ADAMTSL1: variants seen among roughly 807,000 people sequenced by gnomAD.
ADAMTSL1 encodes the protein ADAMTS like 1, also known as ADAMTS-like protein 1.
ADAMTSL1 carries 126 observed loss-of-function variants against 201.8 expected under a neutral mutation model. That is an observed-to-expected ratio of 0.62 (90% CI 0.54 to 0.72). ADAMTSL1 has a LOEUF of 0.72. Among genes scored for constraint, ADAMTSL1 ranks in the 30% least tolerant of loss-of-function variants. The pLI is 0.00. For missense variants in ADAMTSL1, 2,679 were observed against 2,277.8 expected (o/e 1.18, Z -3.59); for synonymous variants, 1,121 against 903.4 (o/e 1.24, Z -4.32).
intron 13 of ADAMTSL1, 153 bp downstream of exon 13, chr9:18,684,953 A>C: frequency 1.4e-6 from 2 of 1,397,856 alleles, no homozygotes; most frequent in Non-Finnish European, 1.9e-6. Flanking sequence ...GATTAGTTTC[A>C]AAAAGTGTTT....
At chr9:18,762,169 C>T (rs910487551) in intron 16 of ADAMTSL1, among the ~76,000 whole-genome samples, 1 of 152,140 alleles carries the variant, frequency 6.6e-6, no homozygotes, top group Non-Finnish European at 1.5e-5. Flanking sequence ...AATTCCCTTT[C>T]CTCAAAAGAC....
chr9:18,350,168 C>G (rs1161901016), intron 2 of ADAMTSL1, among the ~76,000 whole-genome samples: 2 of 152,042 alleles, frequency 1.3e-5, no homozygotes, highest in Non-Finnish European at 2.9e-5. Context: ...TACATCCCCA[C>G]CTGGTCCCCA....
At chr9:18,035,933 G>C (rs986307663) in intron 1 of ADAMTSL1, among the ~76,000 whole-genome samples, 7 of 152,220 alleles carry the variant, frequency 4.6e-5, no homozygotes, top group Non-Finnish European at 5.9e-5. Context: ...GGGACCTATA[G>C]TGGAAAACAA....
rs780585271 is a variant in ADAMTSL1 at position 18,887,918 on chromosome 9, A to G, written c.4337A>G (p.His1446Arg). ...PIVTATGLTH[H>R]ILAAGQILQV... ...GTCACTGCCACAGGACTGACGCATCACATCTTGGCAGCTGGACAGATCCTT... is the reference window on the plus strand; with the variant it reads ...GTCACTGCCACAGGACTGACGCATCGCATCTTGGCAGCTGGACAGATCCTT... Residue 1446 changes from histidine (H) to arginine (R), a missense_variant, in exon 24 of 29, where the codon CAC becomes CGC. His to Arg is a conservative substitution (Grantham distance 29). Coordinates refer to ENST00000380548, the MANE Select transcript of ADAMTSL1 (RefSeq NM_001040272.6). 1 of 1,613,956 alleles carries G rather than the reference A, an allele frequency of 6.2e-7. No individual in the cohort carries two copies. The highest frequency in any genetic ancestry group is 1.1e-5 in the South Asian group (1 of 91,062).
At chr9:18,318,011 G>A (rs990490074) in intron 2 of ADAMTSL1, among the ~76,000 whole-genome samples, 1 of 152,138 alleles carries the variant, frequency 6.6e-6, no homozygotes, top group African/African-American at 2.4e-5. Flanking sequence ...TGGACATGTT[G>A]GATATAATTT....
intron 4 of ADAMTSL1, among the ~76,000 whole-genome samples, chr9:18,586,811 T>A (rs1387738271): frequency 2.6e-5 from 4 of 152,110 alleles, no homozygotes; most frequent in Admixed American, 1.3e-4. Flanking sequence ...GACCGTCTGA[T>A]CTTTGACAAA....
At chr9:17,990,250 G>A (rs551405421) in intron 1 of ADAMTSL1, among the ~76,000 whole-genome samples, 4 of 151,956 alleles carry the variant, frequency 2.6e-5, no homozygotes, top group Non-Finnish European at 4.4e-5. Context: ...TAGCAAGCTC[G>A]ACCTTTGGAA....
intron 2 of ADAMTSL1, among the ~76,000 whole-genome samples, chr9:18,438,948 A>G (rs1483644484): frequency 2.0e-5 from 3 of 149,354 alleles, no homozygotes; most frequent in East Asian, 2.0e-4. Context: ...CCCCACCCGC[A>G]TTTATGCACA....
intron 4 of ADAMTSL1, among the ~76,000 whole-genome samples, chr9:18,581,229 C>G (rs547208973): frequency 9.2e-5 from 14 of 152,286 alleles, no homozygotes; most frequent in African/African-American, 2.4e-4. Flanking sequence ...GCATTCTACC[C>G]TCTGTGTCTG....
intron 9 of ADAMTSL1, among the ~76,000 whole-genome samples, chr9:18,668,885 A>G (rs1341092576): frequency 6.6e-6 from 1 of 152,196 alleles, no homozygotes; most frequent in East Asian, 1.9e-4. Context: ...TATTTTACAG[A>G]TGAAAAAACT....
chr9:18,723,116 C>A (rs779712844), intron 15 of ADAMTSL1: 12 of 766,160 alleles, frequency 1.6e-5, no homozygotes, highest in Non-Finnish European at 2.7e-5. Context: ...GCTCTGTGGC[C>A]TAGGGCGAGG....
intron 15 of ADAMTSL1, among the ~76,000 whole-genome samples, chr9:18,725,201 C>T (rs549060330): frequency 9.9e-5 from 15 of 152,212 alleles, no homozygotes; most frequent in South Asian, 4.2e-4. Context: ...CCAACGTGCC[C>T]GGCCAGGATT....
intron 2 of ADAMTSL1, among the ~76,000 whole-genome samples, chr9:18,468,847 G>A (rs188144553): frequency 5.7e-4 from 87 of 152,284 alleles, no homozygotes; most frequent in African/African-American, 2.0e-3. Flanking sequence ...ACCGTAAGCC[G>A]AGGCCCTTGG....
At chr9:18,116,658 A>C (rs1222380484) in intron 1 of ADAMTSL1, among the ~76,000 whole-genome samples, 1 of 152,170 alleles carries the variant, frequency 6.6e-6, no homozygotes, top group Non-Finnish European at 1.5e-5. Context: ...GGCTATAAGA[A>C]TAGGCCATTT....
chr9:18,112,525 C>T (rs569269723), intron 1 of ADAMTSL1, among the ~76,000 whole-genome samples: 1 of 151,714 alleles, frequency 6.6e-6, no homozygotes, highest in Non-Finnish European at 1.5e-5. Flanking sequence ...CTTTTCCTCG[C>T]CTGTGCTTCC....
At chr9:17,909,280 A>G (rs971743679) in intron 1 of ADAMTSL1, among the ~76,000 whole-genome samples, 1 of 145,658 alleles carries the variant, frequency 6.9e-6, no homozygotes, top group African/African-American at 2.5e-5. Flanking sequence ...TTGCCTGTTC[A>G]CTCTGATGGT....
intron 2 of ADAMTSL1, among the ~76,000 whole-genome samples, chr9:18,402,420 T>C (rs976322292): frequency 6.6e-6 from 1 of 152,202 alleles, no homozygotes; most frequent in Non-Finnish European, 1.5e-5. Context: ...AGCCCTCTAA[T>C]TGGCCACTCT....
chr9:17,933,107 G>A (rs1372169854), intron 1 of ADAMTSL1, among the ~76,000 whole-genome samples: 1 of 152,094 alleles, frequency 6.6e-6, no homozygotes, highest in Non-Finnish European at 1.5e-5. Flanking sequence ...CTTAAAACAA[G>A]AAAAAATTAT....
At chr9:18,563,562 C>T (rs1266920620) in intron 3 of ADAMTSL1, among the ~76,000 whole-genome samples, 1 of 152,224 alleles carries the variant, frequency 6.6e-6, no homozygotes, top group Non-Finnish European at 1.5e-5. Context: ...CTGCTGTTCT[C>T]TTTAGAGCCA....
Sources: gnomAD v4.1 joint callset for allele counts (sites outside exome capture counted in the v4.1 genomes callset) on GRCh38, gnomAD v4.1.1 for gene constraint, MANE v1.5 for transcripts, NCBI Gene and HGNC (gene_info 2026-07-23, HGNC 2026-07-21) for gene names.